KAZN: variants seen among roughly 807,000 people sequenced by gnomAD.
KAZN encodes the protein kazrin.
Under a neutral mutation model 87.4 loss-of-function variants are expected in KAZN, and 40 were observed. The ratio of observed to expected loss-of-function variants is 0.46; its 90% CI spans 0.36 to 0.60. The LOEUF is 0.60. Among genes scored for constraint, KAZN ranks in the 20% least tolerant of loss-of-function variants. KAZN has a pLI of 0.00. For missense variants in KAZN, 898 were observed against 1,073.9 expected, an observed-to-expected ratio of 0.84 and a Z score of 2.29; for synonymous variants, 466 against 458.3, an observed-to-expected ratio of 1.02 and a Z score of -0.22.
chr1:14,907,401 CA>C (rs141495381), intron 1 of KAZN, among the ~76,000 whole-genome samples: 23,355 of 98,278 alleles, frequency 0.24, 1,808 homozygotes, highest in South Asian at 0.41. Context: ...GACCCTGTCT[CA>C]AAAAAAAAAA....
rs373607202 is a variant in KAZN at position 15,034,895 on chromosome 1, C to T, written c.555+10C>T. On this transcript the variant is annotated intron_variant, in intron 3 of 14. Transcript: ENST00000376030. ...TGAGCAGCACCGCAAGGTCAGCCGC[C>T]GCCCTGCCCTCCCCTCCCCTCCCGA... The T allele has an allele frequency of 1.3e-4, 212 of 1,613,010 alleles. 1 individual carries two copies. In the African/African-American group the frequency reaches 2.2e-3, roughly 17 times the overall value.
chr1:14,314,558 C>T (rs1034925553), intron 2 of KAZN, among the ~76,000 whole-genome samples: 1 of 152,114 alleles, frequency 6.6e-6, no homozygotes, highest in Non-Finnish European at 1.5e-5. Context: ...AAGCTCCATT[C>T]GTGAGGCTTC....
At chr1:15,086,804 C>G (rs192487654) in intron 8 of KAZN, among the ~76,000 whole-genome samples, 1 of 151,954 alleles carries the variant, frequency 6.6e-6, no homozygotes, top group Non-Finnish European at 1.5e-5. Flanking sequence ...ATTGAACAAC[C>G]CTAGGTTTTA....
intron 13 of KAZN, among the ~76,000 whole-genome samples, chr1:15,109,807 G>A (rs1204811829): frequency 2.0e-5 from 3 of 146,416 alleles, no homozygotes; most frequent in East Asian, 2.6e-4. Context: ...GTGTATGTGT[G>A]TGTTGTATGT....
chr1:14,424,392 C>T (rs1665597439), intron 2 of KAZN, among the ~76,000 whole-genome samples: 1 of 152,172 alleles, frequency 6.6e-6, no homozygotes, highest in Non-Finnish European at 1.5e-5. Context: ...CAAGTAACAG[C>T]ACCAGGGTAT....
intron 1 of KAZN, among the ~76,000 whole-genome samples, chr1:14,818,353 A>G (rs762262467): frequency 8.5e-5 from 13 of 152,224 alleles, no homozygotes; most frequent in Non-Finnish European, 1.6e-4. Context: ...AGAAGAGTTC[A>G]ATGGGAGACC....
chr1:14,347,827 G>A (rs1658218427), intron 2 of KAZN, among the ~76,000 whole-genome samples: 1 of 151,444 alleles, frequency 6.6e-6, no homozygotes, highest in African/African-American at 2.4e-5. Context: ...GATTATCTGT[G>A]TCTCCTGAAG....
At chr1:14,824,605 G>C (rs371677898) in intron 1 of KAZN, among the ~76,000 whole-genome samples, 1 of 152,134 alleles carries the variant, frequency 6.6e-6, no homozygotes. Context: ...TGAGGGTTAA[G>C]TAAAAAAAGA....
chr1:14,324,910 A>T (rs546526145), intron 2 of KAZN, among the ~76,000 whole-genome samples: 119 of 152,182 alleles, frequency 7.8e-4, no homozygotes, highest in African/African-American at 2.8e-3. Context: ...ATTAGGCCAC[A>T]GAAAGTTATG....
chr1:14,632,161 A>G (rs1679617975), intron 1 of KAZN, among the ~76,000 whole-genome samples: 1 of 152,120 alleles, frequency 6.6e-6, no homozygotes, highest in Non-Finnish European at 1.5e-5. Flanking sequence ...CACCTCACTT[A>G]CTGGAGCTAA....
In KAZN at chr1:14,263,570, C is replaced by T. The variant is rs189799530; in HGVS notation, c.249+82978C>T. Among the ~76,000 whole-genome samples the T allele has an allele frequency of 2.3e-3, 343 of 152,198 alleles. 1 individual carries two copies. Among genetic ancestry groups the T allele is most frequent in the African/African-American group, 7.8e-3 (324 of 41,520 alleles). On this transcript the variant is annotated intron_variant, in intron 2 of 16. Transcript: ENST00000636203. ...AAGGATTCTGAATGCAAAGACAAAACTCTGGTTTGGTTTCAGCGATGATTT... is the reference window on the plus strand; with the variant it reads ...AAGGATTCTGAATGCAAAGACAAAATTCTGGTTTGGTTTCAGCGATGATTT...
At chr1:15,054,881 G>A (rs1287122747) in intron 4 of KAZN, among the ~76,000 whole-genome samples, 1 of 152,222 alleles carries the variant, frequency 6.6e-6, no homozygotes, top group African/African-American at 2.4e-5. Flanking sequence ...ACTTGTCCCT[G>A]GGCTCCCTCC....
intron 1 of KAZN, among the ~76,000 whole-genome samples, chr1:14,907,982 A>G (rs1656802124): frequency 6.6e-6 from 1 of 152,260 alleles, no homozygotes; most frequent in Non-Finnish European, 1.5e-5. Flanking sequence ...GAGATAGGTC[A>G]TAGCTTCTGA....
intron 2 of KAZN, among the ~76,000 whole-genome samples, chr1:14,570,004 T>C (rs967595501): frequency 6.6e-6 from 1 of 152,004 alleles, no homozygotes; most frequent in Non-Finnish European, 1.5e-5. Flanking sequence ...TCCCAGCTCA[T>C]TGGGAGGCCG....
chr1:15,070,306 C>T (rs1639449458), intron 8 of KAZN, among the ~76,000 whole-genome samples: 1 of 152,244 alleles, frequency 6.6e-6, no homozygotes, highest in Non-Finnish European at 1.5e-5. Flanking sequence ...CTTTTCCCCG[C>T]AGGCCCAGAA....
At chr1:14,747,803 G>A (rs1228886053) in intron 1 of KAZN, among the ~76,000 whole-genome samples, 1 of 152,172 alleles carries the variant, frequency 6.6e-6, no homozygotes, top group Non-Finnish European at 1.5e-5. Context: ...CACAGCGGCT[G>A]CACCATTGCA....
intron 1 of KAZN, among the ~76,000 whole-genome samples, chr1:14,770,641 A>T (rs1160356333): frequency 1.3e-5 from 2 of 152,122 alleles, no homozygotes; most frequent in Non-Finnish European, 2.9e-5. Flanking sequence ...GGGGCTGGAG[A>T]AACAAATTTA....
rs1432583713 is a variant in KAZN, at chr1:14,552,484, CA to C, written c.250-46497del. 1.7e-4 allele frequency among the ~76,000 whole-genome samples: 26 copies of C among 152,340 alleles called. No homozygotes were observed. In the East Asian group the frequency reaches 5.0e-3, roughly 29 times the overall value. ...TGCAGAGTGTGCCAACCTGAAGCTG[CA>C]ACTTGGCGGTTGCCAGGGAAACTGC... On this transcript the variant is annotated intron_variant, in intron 2 of 16. Transcript: ENST00000636203.
At chr1:14,393,676 A>G (rs1390480484) in intron 2 of KAZN, among the ~76,000 whole-genome samples, 2 of 152,032 alleles carry the variant, frequency 1.3e-5, no homozygotes, top group African/African-American at 4.8e-5. Context: ...GAAGTACCCC[A>G]GGATTATATT....
Sources: allele counts gnomAD v4.1 joint callset (sites outside exome capture counted in the v4.1 genomes callset), GRCh38; gene constraint gnomAD v4.1.1; transcripts MANE v1.5; gene names NCBI Gene and HGNC (gene_info 2026-07-23, HGNC 2026-07-21).